Variants in ANOS1 observed in about 807,000 individuals in gnomAD.
ANOS1 encodes the protein anosmin 1, also known as anosmin-1.
In ANOS1, 6 loss-of-function variants were observed where a neutral mutation model predicts 59.0. That is an observed-to-expected ratio of 0.10 (90% confidence interval 0.06 to 0.20). The LOEUF is 0.20. ANOS1 is among the 10% of genes least tolerant of loss of function. The pLI is 1.00. For missense variants in ANOS1, 433 were observed against 542.3 expected, an observed-to-expected ratio of 0.80 and a Z score of 2.00; for synonymous variants, 217 against 223.4, an observed-to-expected ratio of 0.97 and a Z score of 0.25.
At chrX:8,686,652 A>G (rs1338243409) in intron 2 of ANOS1, among the ~76,000 whole-genome samples, 1 of 112,042 alleles carries the variant, frequency 8.9e-6, no homozygotes, top group African/African-American at 3.2e-5. Flanking sequence ...TGATAATGCA[A>G]TCAGAATGAA....
At chrX:8,566,208 T>A in intron 8 of ANOS1, 1 of 750,112 alleles carries the variant, frequency 1.3e-6, no homozygotes. Flanking sequence ...TTCCTGTAGT[T>A]CTGTCTGTAT....
chrX:8,593,990 C>A (rs1454764824), intron 4 of ANOS1, among the ~76,000 whole-genome samples: 2 of 111,512 alleles, frequency 1.8e-5, no homozygotes, highest in Non-Finnish European at 3.8e-5. Flanking sequence ...CACAACCATG[C>A]CCAGTGAGTG....
intron 9 of ANOS1, among the ~76,000 whole-genome samples, chrX:8,547,791 A>G (rs1274948816): frequency 9.0e-6 from 1 of 111,440 alleles, no homozygotes; most frequent in Non-Finnish European, 1.9e-5. Context: ...GTCTCGGCTC[A>G]CTGCAACCTC....
At chrX:8,645,912 G>A (rs1466445149) in intron 2 of ANOS1, among the ~76,000 whole-genome samples, 1 of 112,033 alleles carries the variant, frequency 8.9e-6, no homozygotes, top group East Asian at 2.8e-4. Flanking sequence ...CCAAAGTGCT[G>A]GGATTACAGG....
At chrX:8,576,808 C>A (rs1487858574) in intron 6 of ANOS1, among the ~76,000 whole-genome samples, 1 of 111,216 alleles carries the variant, frequency 9.0e-6, no homozygotes, top group Non-Finnish European at 1.9e-5. Flanking sequence ...TATATTCCAC[C>A]ATCAAAATAA....
At chrX:8,613,039 G>C (rs982192294) in intron 3 of ANOS1, among the ~76,000 whole-genome samples, 1 of 112,231 alleles carries the variant, frequency 8.9e-6, no homozygotes, top group Admixed American at 9.4e-5. Flanking sequence ...CATTCTGCTA[G>C]TTACATGAGA....
intron 8 of ANOS1, among the ~76,000 whole-genome samples, chrX:8,559,694 T>G (rs1194531107): frequency 8.9e-6 from 1 of 112,139 alleles, no homozygotes; most frequent in East Asian, 2.8e-4. Context: ...TTCTGATTGC[T>G]TTAGCTCAGA....
intron 6 of ANOS1, 68 bp from the exon 7 acceptor site, chrX:8,570,772 T>A: frequency 1.0e-6 from 1 of 993,517 alleles, no homozygotes; most frequent in Non-Finnish European, 1.4e-6. Context: ...ATGTAATGAC[T>A]ACATGGTCAA....
chrX:8,566,428 CAT>C (rs1385796014), intron 8 of ANOS1, among the ~76,000 whole-genome samples: 1 of 110,370 alleles, frequency 9.1e-6, no homozygotes, highest in Non-Finnish European at 1.9e-5. Context: ...TATATGTATG[CAT>C]ATGTGTACAT....
intron 4 of ANOS1, 69 bp downstream of exon 4, chrX:8,596,965 C>G: frequency 2.5e-6 from 3 of 1,201,514 alleles, no homozygotes; most frequent in Non-Finnish European, 3.4e-6. Context: ...TGATGGACAC[C>G]CTTCCCTAGG....
intron 2 of ANOS1, among the ~76,000 whole-genome samples, chrX:8,694,772 C>T (rs1390646975): frequency 1.3e-4 from 14 of 111,873 alleles, no homozygotes; most frequent in Non-Finnish European, 2.6e-4. Flanking sequence ...TTTTACATTA[C>T]TATAGTAATA....
intron 2 of ANOS1, among the ~76,000 whole-genome samples, chrX:8,691,083 T>TC (rs1331996536): frequency 9.2e-6 from 1 of 108,788 alleles, no homozygotes; most frequent in East Asian, 2.9e-4. Flanking sequence ...ATCTTTTTTT[T>TC]TTTTTTTTGA....
intron 8 of ANOS1, among the ~76,000 whole-genome samples, chrX:8,562,848 A>C (rs915792807): frequency 2.7e-5 from 3 of 112,532 alleles, no homozygotes; most frequent in Non-Finnish European, 5.6e-5. Context: ...TTATCATTAA[A>C]ACACCTAGCA....
chrX:8,557,263 G>A (rs761923755), intron 8 of ANOS1, among the ~76,000 whole-genome samples: 51 of 111,721 alleles, frequency 4.6e-4, no homozygotes, highest in African/African-American at 1.5e-3. Context: ...CATAGGCATG[G>A]GCAAAGACTT....
Position 8,532,651 on chromosome X carries a change from T to C in ANOS1, c.*344A>G, listed in dbSNP as rs993684162. 4 of 171,003 alleles carry C rather than the reference T, an allele frequency of 2.3e-5. No homozygotes were observed. The highest frequency in any genetic ancestry group is 1.2e-4 in the African/African-American group (4 of 33,782). 14.1% of individuals were successfully genotyped at this position (171,003 alleles called of 1,213,427 possible). On this transcript the variant is annotated 3_prime_UTR_variant, in exon 14 of 14. Transcript: ENST00000262648. ...AATTGTGTATTTGTTACTCTCCTTT[T>C]TGGGGCGGAGTTTGGTGCTCCAAAT... is the stretch of plus-strand genomic sequence containing the variant.
intron 2 of ANOS1, among the ~76,000 whole-genome samples, chrX:8,670,804 A>T (rs1932242360): frequency 9.0e-6 from 1 of 111,183 alleles, no homozygotes; most frequent in Non-Finnish European, 1.9e-5. Context: ...TCCCTTTTTC[A>T]CACAAGGAAA....
chrX:8,555,328 G>C (rs1424922817), intron 8 of ANOS1, among the ~76,000 whole-genome samples: 1 of 110,594 alleles, frequency 9.0e-6, no homozygotes, highest in African/African-American at 3.3e-5. Flanking sequence ...AACTGGAGAA[G>C]CAAGAGCAAA....
chrX:8,659,574 T>C (rs1356347198), intron 2 of ANOS1, among the ~76,000 whole-genome samples: 2 of 81,384 alleles, frequency 2.5e-5, no homozygotes, highest in African/African-American at 1.0e-4. Flanking sequence ...TCCTCCCTGC[T>C]TGCTTGCTTG....
chrX:8,713,315 A>C (rs1350144740), intron 1 of ANOS1, among the ~76,000 whole-genome samples: 2 of 110,118 alleles, frequency 1.8e-5, no homozygotes, highest in Non-Finnish European at 3.8e-5. Context: ...GGCACCTCTT[A>C]TCAAGCAAAG....
Sources: allele counts gnomAD v4.1 joint callset (sites outside exome capture counted in the v4.1 genomes callset), GRCh38; gene constraint gnomAD v4.1.1; transcripts MANE v1.5; gene names NCBI Gene and HGNC (gene_info 2026-07-23, HGNC 2026-07-21).